The following COP1 variants were observed in gnomAD, a reference collection of about 807,000 sequenced individuals.
The protein encoded by COP1 is COP1 E3 ubiquitin ligase.
Under a neutral mutation model 101.3 loss-of-function variants are expected in COP1, and 24 were observed. That is an observed-to-expected ratio of 0.24 (90% CI 0.17 to 0.33). COP1 has a LOEUF of 0.33. Ranked by LOEUF, COP1 falls within the 10% of genes least tolerant of loss-of-function variation. COP1 has a pLI of 1.00. For synonymous variants in COP1, 347 were observed against 341.9 expected (o/e 1.01, Z -0.17); for missense variants, 663 against 906.2 (o/e 0.73, Z 3.45).
intron 11 of COP1, among the ~76,000 whole-genome samples, chr1:176,077,273 T>A (rs1208194550): frequency 1.3e-5 from 2 of 152,134 alleles, no homozygotes; most frequent in African/African-American, 4.8e-5. Context: ...GTAAGCTGAA[T>A]CCAGGAGCAC....
chr1:175,974,922 C>CAAA (rs34306335), intron 18 of COP1, among the ~76,000 whole-genome samples: 3 of 91,258 alleles, frequency 3.3e-5, no homozygotes, highest in East Asian at 3.2e-4. Context: ...GACCCTGTCT[C>CAAA]AAAAAAAAAA....
At chr1:176,117,306 A>T (rs1056817834) in intron 8 of COP1, among the ~76,000 whole-genome samples, 4 of 152,166 alleles carry the variant, frequency 2.6e-5, no homozygotes, top group African/African-American at 9.6e-5. Context: ...AAACCAATAT[A>T]CTAGTTTCCT....
intron 9 of COP1, among the ~76,000 whole-genome samples, chr1:176,094,823 C>T (rs900343454): frequency 1.3e-5 from 2 of 152,040 alleles, no homozygotes; most frequent in African/African-American, 4.8e-5. Flanking sequence ...TACTTTAATT[C>T]CCAATAAATG....
chr1:176,119,641 T>TACAC (rs10531356), intron 8 of COP1, among the ~76,000 whole-genome samples: 11 of 149,724 alleles, frequency 7.3e-5, no homozygotes, highest in South Asian at 6.3e-4. Flanking sequence ...TATACATTCA[T>TACAC]ACACACACAC....
At chr1:176,080,411 T>C (rs1364685248) in intron 11 of COP1, among the ~76,000 whole-genome samples, 9 of 151,982 alleles carry the variant, frequency 5.9e-5, no homozygotes, top group Non-Finnish European at 1.2e-4. Flanking sequence ...AGAATAAAAA[T>C]AATTAAGAGC....
chr1:175,947,137 C>T, intron 19 of COP1, 58 bp downstream of exon 19: 1 of 1,142,954 alleles, frequency 8.7e-7, no homozygotes, highest in Non-Finnish European at 1.3e-6. Context: ...TTTCTATAAT[C>T]CTGTTTCAGT....
At chr1:176,144,488 T>C (rs894148083) in intron 6 of COP1, among the ~76,000 whole-genome samples, 24 of 152,282 alleles carry the variant, frequency 1.6e-4, no homozygotes, top group African/African-American at 5.8e-4. Flanking sequence ...CTGAATACTG[T>C]AAATACACAG....
At chr1:176,034,442 T>C (rs1669145507) in intron 14 of COP1, among the ~76,000 whole-genome samples, 1 of 152,184 alleles carries the variant, frequency 6.6e-6, no homozygotes, top group Non-Finnish European at 1.5e-5. Flanking sequence ...ATAACGAATA[T>C]GAAAAAGGCG....
chr1:176,109,980 T>C (rs1253300085), intron 9 of COP1, among the ~76,000 whole-genome samples: 3 of 151,966 alleles, frequency 2.0e-5, no homozygotes, highest in African/African-American at 7.3e-5. Flanking sequence ...TTCCAGAAAT[T>C]TTTGATAAAT....
chr1:176,108,917 T>C (rs1312594469), intron 9 of COP1, among the ~76,000 whole-genome samples: 1 of 151,856 alleles, frequency 6.6e-6, no homozygotes, highest in African/African-American at 2.4e-5. Context: ...ATCGAAACCA[T>C]CCTGTCCAAC....
intron 9 of COP1, among the ~76,000 whole-genome samples, chr1:176,106,457 T>G (rs1684323559): frequency 6.6e-6 from 1 of 150,784 alleles, no homozygotes; most frequent in Non-Finnish European, 1.5e-5. Context: ...TATAAGTTTA[T>G]AAGTTAGGCA....
At chr1:176,035,390 T>C (rs1160769416) in intron 14 of COP1, among the ~76,000 whole-genome samples, 2 of 151,162 alleles carry the variant, frequency 1.3e-5, no homozygotes, top group Admixed American at 6.6e-5. Context: ...AAAAAGAATA[T>C]GAGGTCTATG....
chr1:176,002,328 G>A (rs1261296212), intron 15 of COP1, among the ~76,000 whole-genome samples: 1 of 151,618 alleles, frequency 6.6e-6, no homozygotes, highest in Non-Finnish European at 1.5e-5. Context: ...CAAGTTTACT[G>A]ATTCTTTCTT....
chr1:176,197,665 CCAAT>C (rs1404237667), intron 1 of COP1, among the ~76,000 whole-genome samples: 7 of 152,154 alleles, frequency 4.6e-5, no homozygotes, highest in Admixed American at 4.6e-4. Context: ...AAACAATTAC[CCAAT>C]CAAATAAATC....
chr1:176,002,957 G>C (rs1662114253), intron 15 of COP1, among the ~76,000 whole-genome samples: 2 of 149,516 alleles, frequency 1.3e-5, no homozygotes, highest in South Asian at 4.3e-4. Context: ...GGTTGAACTA[G>C]TTTACAGTCC....
chr1:176,152,221 T>C (rs755265207), intron 5 of COP1, among the ~76,000 whole-genome samples: 3 of 151,864 alleles, frequency 2.0e-5, no homozygotes, highest in African/African-American at 4.8e-5. Flanking sequence ...GATCGCACCA[T>C]TGCAGTCCAG....
intron 6 of COP1, among the ~76,000 whole-genome samples, chr1:176,142,362 A>G (rs1690837114): frequency 6.6e-6 from 1 of 152,154 alleles, no homozygotes. Flanking sequence ...TGACAGGCTT[A>G]TGCTATAATA....
chr1:176,035,451 G>C (rs902355981), intron 14 of COP1, among the ~76,000 whole-genome samples: 2 of 151,696 alleles, frequency 1.3e-5, no homozygotes, highest in African/African-American at 4.8e-5. Context: ...TCCCAGAGGA[G>C]AGGAAAAAGA....
rs547444530 is a variant in COP1 at position 175,975,594 on chromosome 1, G to C, written c.2133+11349C>G. 9.9e-5 allele frequency among the ~76,000 whole-genome samples: 15 copies of C among 152,162 alleles called. No homozygotes were observed. In the South Asian group the frequency reaches 3.1e-3, roughly 32 times the overall value. ...CAGGCTACTTTTTGTATTTTTAGTA[G>C]AGACAGGGTGTTGCATGTTGGTTAG... On this transcript the variant is annotated intron_variant, in intron 18 of 19. Coordinates refer to ENST00000367669, the MANE Select transcript of COP1 (RefSeq NM_022457.7).
Sources: allele counts gnomAD v4.1 joint callset (sites outside exome capture counted in the v4.1 genomes callset), GRCh38; gene constraint gnomAD v4.1.1; transcripts MANE v1.5; gene names NCBI Gene and HGNC (gene_info 2026-07-23, HGNC 2026-07-21).